The following FAM111B variants were observed in gnomAD, a reference collection of about 807,000 sequenced individuals.
FAM111B encodes FAM111 trypsin like peptidase B.
FAM111B carries 1 observed loss-of-function variant against 2.8 expected under a neutral mutation model. That is an observed-to-expected ratio of 0.36 (90% CI 0.13 to 1.70). The LOEUF (loss-of-function observed/expected upper bound fraction) is 1.70, where lower values mean the gene tolerates loss of function less well. Ranked by LOEUF, FAM111B falls within the 40% of genes most tolerant of loss-of-function variation. FAM111B has a pLI of 0.35. For missense variants in FAM111B, 882 were observed against 878.9 expected, an observed-to-expected ratio of 1.00 and a Z score of -0.04; for synonymous variants, 297 against 295.6, an observed-to-expected ratio of 1.00 and a Z score of -0.05.
chr11:59,124,786 G>A lies in FAM111B; in HGVS notation c.689G>A (p.Arg230His), dbSNP rs763673160. ...GAAGGAGCCTTATGCAAGGATGGCC[G>A]TTTTCGGTCTGACATAGGTGAATTT... ...TIEGALCKDGRFRSDIGEFEW... is the reference protein window; with the variant it reads ...TIEGALCKDGHFRSDIGEFEW... Residue 230 changes from arginine (R) to histidine (H), a missense_variant, in exon 4 of 4, where the codon CGT becomes CAT. Arg to His is a conservative substitution (Grantham distance 29). Coordinates refer to ENST00000343597, the MANE Select transcript of FAM111B (RefSeq NM_198947.4). The A allele has an allele frequency of 5.6e-6, 9 of 1,613,704 alleles. No homozygotes were observed. The highest frequency in any genetic ancestry group is 2.2e-5 in the East Asian group (1 of 44,884).
At chr11:59,107,907 GGT>G (rs1007401823) in intron 1 of FAM111B, among the ~76,000 whole-genome samples, 1 of 152,178 alleles carries the variant, frequency 6.6e-6, no homozygotes, top group African/African-American at 2.4e-5. Context: ...GTAGCACGGT[GGT>G]TACTGACATC....
rs1860024576 is a variant in FAM111B, at chr11:59,125,999, G to A, written c.1902G>A (p.Trp634Ter). ...AAAGAAGTTTCCTATCAGAGGTTTG[G>A]AACACACACACGCTTAGTTATGATA... ...FTQRSFLSEV[W>*]NTHTLSYDTC... Residue 634 changes from tryptophan (W) to a stop codon, truncating the protein, a stop_gained, in exon 4 of 4, where the codon TGG (tryptophan) becomes TGA (stop). Coordinates refer to ENST00000343597, the MANE Select transcript of FAM111B (RefSeq NM_198947.4). LOFTEE classifies it low-confidence loss of function (END_TRUNC). The A allele has an allele frequency of 1.9e-6, 3 of 1,613,780 alleles. No homozygotes were observed. The highest frequency in any genetic ancestry group is 2.5e-6 in the Non-Finnish European group (3 of 1,179,878).
At chr11:59,122,709 C>T (rs1274737031) in intron 3 of FAM111B, among the ~76,000 whole-genome samples, 2 of 152,074 alleles carry the variant, frequency 1.3e-5, no homozygotes, top group African/African-American at 4.8e-5. Flanking sequence ...GTCAAAGAGG[C>T]AACAAAATAT....
Position 59,124,442 on chromosome 11 carries a change from C to T in FAM111B, c.345C>T (p.Asp115=). 1 of 1,613,558 alleles carries T rather than the reference C, an allele frequency of 6.2e-7. No homozygotes were observed. Among genetic ancestry groups the T allele is most frequent in the Non-Finnish European group, 8.5e-7 (1 of 1,179,830 alleles). ...ESIYSALSAN[D]YFSERIKNQF... is the part of the protein sequence containing the mutation. Reference sequence around the variant, plus strand: ...TCTACTCAGCCCTGAGTGCTAATGACTATTTCAGTGAAAGGATAAAGAATC... The same window carrying T: ...TCTACTCAGCCCTGAGTGCTAATGATTATTTCAGTGAAAGGATAAAGAATC... Residue 115 remains aspartate (D), a synonymous_variant, in exon 4 of 4, where the codon GAC becomes GAT. Coordinates refer to ENST00000343597, the MANE Select transcript of FAM111B (RefSeq NM_198947.4).
intron 3 of FAM111B, among the ~76,000 whole-genome samples, chr11:59,120,663 C>A (rs1056203100): frequency 3.3e-5 from 5 of 152,176 alleles, no homozygotes; most frequent in African/African-American, 1.2e-4. Context: ...TTTCCTATGG[C>A]TGTTTACCTC....
chr11:59,110,591 G>A (rs1436978506), intron 3 of FAM111B, among the ~76,000 whole-genome samples: 1 of 152,128 alleles, frequency 6.6e-6, no homozygotes, highest in Non-Finnish European at 1.5e-5. Flanking sequence ...GACTTTGGGA[G>A]GTGATAGATA....
chr11:59,115,057 C>T (rs1859818755), intron 3 of FAM111B, among the ~76,000 whole-genome samples: 1 of 152,116 alleles, frequency 6.6e-6, no homozygotes, highest in African/African-American at 2.4e-5. Context: ...AGGTCTAGTG[C>T]TTGTTGACTC....
At chr11:59,113,606 T>C (rs188826949) in intron 3 of FAM111B, among the ~76,000 whole-genome samples, 138 of 152,294 alleles carry the variant, frequency 9.1e-4, no homozygotes, top group Non-Finnish European at 1.5e-3. Flanking sequence ...TCCTCCACCC[T>C]ACATAAACTC....
At chr11:59,110,230 A>G (rs1038470848) in intron 3 of FAM111B, among the ~76,000 whole-genome samples, 55 of 152,326 alleles carry the variant, frequency 3.6e-4, no homozygotes, top group African/African-American at 1.2e-3. Context: ...GCAAAATGAT[A>G]ATACAAAATT....
At position 59,125,697 on chromosome 11, in the gene FAM111B, C is replaced by T. The variant is rs1374196183; in HGVS notation, c.1600C>T (p.Pro534Ser). 1 of 1,613,784 alleles carries T rather than the reference C, an allele frequency of 6.2e-7. No homozygotes were observed. The highest frequency in any genetic ancestry group is 1.7e-5 in the Admixed American group (1 of 59,988). The change falls in exon 4 of 4, where the codon CCA becomes TCA. Residue 534 changes from proline (P) to serine (S), a missense_variant. Physicochemically the swap from Pro to Ser is moderately conservative, Grantham distance 74. Coordinates refer to ENST00000343597, the MANE Select transcript of FAM111B (RefSeq NM_198947.4). Reference sequence around the variant, plus strand: ...TCCTGACAATTGGTTTTCCATTGAGCCATGGCTTAAAGTGTCCAATGAAAA... The same window carrying T: ...TCCTGACAATTGGTTTTCCATTGAGTCATGGCTTAAAGTGTCCAATGAAAA... ...PTPDNWFSIEPWLKVSNENLD... is the reference protein window; with the variant it reads ...PTPDNWFSIESWLKVSNENLD...
At position 59,124,697 on chromosome 11, in the gene FAM111B, G is replaced by A; in HGVS notation, c.600G>A (p.Lys200=). The change falls in exon 4 of 4, where the codon AAG becomes AAA. Residue 200 remains lysine, a synonymous_variant. Coordinates refer to ENST00000343597, the MANE Select transcript of FAM111B (RefSeq NM_198947.4). ...GAAGGACAAGAAAGAAGATTGTTAAGATCAACGAACTTCATGAAAAAGGAA... is the reference window on the plus strand; with the variant it reads ...GAAGGACAAGAAAGAAGATTGTTAAAATCAACGAACTTCATGAAAAAGGAA... The part of the protein sequence containing the change: ...AIGRTRKKIV[K]INELHEKGSK... 6.2e-7 allele frequency: 1 copy of A among 1,613,670 alleles called. No individual in the cohort carries two copies. The highest frequency in any genetic ancestry group is 8.5e-7 in the Non-Finnish European group (1 of 1,179,746).
chr11:59,118,678 G>A (rs1859875979), intron 3 of FAM111B, among the ~76,000 whole-genome samples: 1 of 152,154 alleles, frequency 6.6e-6, no homozygotes, highest in Non-Finnish European at 1.5e-5. Context: ...TAAGTATGAT[G>A]TTACCTGTAA....
Position 59,125,785 on chromosome 11 carries a change from G to A in FAM111B, c.1688G>A (p.Arg563Gln), listed in dbSNP as rs574255794. Residue 563 changes from arginine (R) to glutamine (Q), a missense_variant, in exon 4 of 4, where the codon CGA (arginine) becomes CAA (glutamine). Arg to Gln is a conservative substitution (Grantham distance 43). Coordinates refer to ENST00000343597, the MANE Select transcript of FAM111B (RefSeq NM_198947.4). ...AATGCGTTTCCTCCAGGACTATGGC[G>A]ACAGATTTCTCCTCAACCATCTACT... ...NGNAFPPGLW[R>Q]QISPQPSTGL... 8 of 1,613,834 alleles carry A rather than the reference G, an allele frequency of 5.0e-6. No individual in the cohort carries two copies. In the African/African-American group the frequency reaches 5.3e-5, roughly 11 times the overall value.
In FAM111B at chr11:59,126,274, A is replaced by T. The variant is rs1387101706; in HGVS notation, c.2177A>T (p.Asp726Val). The change falls in exon 4 of 4, where the codon GAT (aspartate) becomes GTT (valine). Residue 726 changes from aspartate to valine, a missense_variant. By Grantham distance (152) the Asp-to-Val change is radical (BLOSUM62 -3). Transcript: ENST00000343597. The part of the protein sequence containing the change: ...EKGKQESSLQ[D>V]HQIEPMEC Reference sequence around the variant, plus strand: ...GGTAAACAAGAGTCATCACTTCAAGATCATCAGATTGAACCCATGGAATGT... The same window carrying T: ...GGTAAACAAGAGTCATCACTTCAAGTTCATCAGATTGAACCCATGGAATGT... 2.6e-6 allele frequency: 4 copies of T among 1,562,452 alleles called. No individual in the cohort carries two copies. The highest frequency in any genetic ancestry group is 3.4e-6 in the Non-Finnish European group (4 of 1,159,848).
At chr11:59,120,950 G>A (rs1859911507) in intron 3 of FAM111B, among the ~76,000 whole-genome samples, 1 of 151,964 alleles carries the variant, frequency 6.6e-6, no homozygotes, top group East Asian at 1.9e-4. Flanking sequence ...AGTCAGCATC[G>A]CTGGAGTAAT....
chr11:59,121,670 A>G (rs1168779907), intron 3 of FAM111B, among the ~76,000 whole-genome samples: 2 of 152,222 alleles, frequency 1.3e-5, no homozygotes, highest in Non-Finnish European at 2.9e-5. Context: ...TCTATACTTG[A>G]GAGACACCCT....
At position 59,127,352 on chromosome 11, in the gene FAM111B, T is replaced by C. The variant is rs979692300; in HGVS notation, c.*1050T>C. 1.3e-5 allele frequency: 2 copies of C among 152,196 alleles called. No homozygotes were observed. The highest frequency in any genetic ancestry group is 1.3e-4 in the Admixed American group (2 of 15,274). 9.4% of individuals were successfully genotyped at this position (152,196 alleles called of 1,614,324 possible). A position where few individuals can be genotyped will look rare whatever the true frequency, so the allele number is the denominator to read the frequency against. On this transcript the variant is annotated 3_prime_UTR_variant, in exon 4 of 4. Coordinates refer to ENST00000343597, the MANE Select transcript of FAM111B (RefSeq NM_198947.4). ...CCTGGTGACATGCAGTTTACCTATA[T>C]AACAAAACTGCACATGGACTCTTAA... is the stretch of plus-strand genomic sequence containing the variant.
intron 2 of FAM111B, 98 bp from the exon 3 acceptor site, chr11:59,109,442 A>C (rs768504512): frequency 8.3e-6 from 4 of 479,914 alleles, no homozygotes; most frequent in Non-Finnish European, 1.5e-5. Flanking sequence ...ACCTCATATG[A>C]TTTTCTTCTC....
chr11:59,117,788 C>A (rs1045944409), intron 3 of FAM111B, among the ~76,000 whole-genome samples: 4 of 152,264 alleles, frequency 2.6e-5, no homozygotes, highest in Non-Finnish European at 4.4e-5. Flanking sequence ...ACTCCCCAAT[C>A]TTCCTCCTGT....
Sources: gnomAD v4.1 joint callset for allele counts (sites outside exome capture counted in the v4.1 genomes callset) on GRCh38, gnomAD v4.1.1 for gene constraint, MANE v1.5 for transcripts, NCBI Gene and HGNC (gene_info 2026-07-23, HGNC 2026-07-21) for gene names.